MGAT4A: variants seen among roughly 807,000 people sequenced by gnomAD.
The protein encoded by MGAT4A is alpha-1,3-mannosyl-glycoprotein 4-beta-N-acetylglucosaminyltransferase A.
A neutral mutation model predicts 74.1 loss-of-function variants in MGAT4A; 33 were observed. That is an observed-to-expected ratio of 0.45 (90% confidence interval 0.34 to 0.60). MGAT4A has a LOEUF of 0.60. Among genes scored for constraint, MGAT4A ranks in the 20% least tolerant of loss-of-function variants. MGAT4A has a pLI of 0.02. For synonymous variants in MGAT4A, 198 were observed against 210.4 expected, an observed-to-expected ratio of 0.94 and a Z score of 0.51; for missense variants, 479 against 628.3, an observed-to-expected ratio of 0.76 and a Z score of 2.54.
At position 98,622,047 on chromosome 2, in the gene MGAT4A, C is replaced by T. The variant is rs540529321; in HGVS notation, c.*3519G>A. 42 of 985,440 alleles carry T rather than the reference C, an allele frequency of 4.3e-5. No homozygotes were observed. The African/African-American group carries it at 4.7e-4, about 11-fold the overall frequency. The allele number at this position is 985,440 out of a possible 1,614,324, so 61.0% of individuals were successfully genotyped here. On this transcript the variant is annotated 3_prime_UTR_variant, in exon 16 of 16. Transcript: ENST00000393487. ...TCTGACTACACAGTATGGTACAGCG[C>T]GTGATGTGGAGAATGCATGAGACTA...
In MGAT4A at chr2:98,666,725, G is replaced by C. The variant is rs563517455; in HGVS notation, c.404-3546C>G. 4.6e-5 allele frequency among the ~76,000 whole-genome samples: 7 copies of C among 152,024 alleles called. No homozygotes were observed. The East Asian group carries it at 1.4e-3, about 29-fold the overall frequency. ...AAAAAAATTACCAGCGTAACAACTAGGATGAGGAGCATTCCTAGAAAATGC... is the reference window on the plus strand; with the variant it reads ...AAAAAAATTACCAGCGTAACAACTACGATGAGGAGCATTCCTAGAAAATGC... On this transcript the variant is annotated intron_variant, in intron 4 of 15. Transcript: ENST00000393487.
intron 8 of MGAT4A, 22 bp from the exon 9 acceptor site, chr2:98,645,564 T>C (rs745556909): frequency 6.8e-7 from 1 of 1,462,872 alleles, no homozygotes; most frequent in Non-Finnish European, 9.2e-7. Context: ...TGAACAATCA[T>C]ATTAATACAT....
chr2:98,671,237 C>T (rs1195225871), intron 4 of MGAT4A, among the ~76,000 whole-genome samples: 1 of 152,190 alleles, frequency 6.6e-6, no homozygotes, highest in Admixed American at 6.5e-5. Context: ...GTCCAAGTTC[C>T]AAGTTGACCC....
chr2:98,639,824 G>T lies in MGAT4A; in HGVS notation c.1306C>A (p.Pro436Thr). The T allele has an allele frequency of 6.2e-7, 1 of 1,611,772 alleles. No homozygotes were observed. Among genetic ancestry groups the T allele is most frequent in the Non-Finnish European group, 8.5e-7 (1 of 1,178,932 alleles). Residue 436 changes from proline (P) to threonine (T), a missense_variant, in exon 12 of 16, where the codon CCA becomes ACA. This residue lies in a region of MGAT4A where 236 missense variants were observed against 308.2 expected (regional missense o/e 0.77). Coordinates refer to ENST00000393487, the MANE Select transcript of MGAT4A (RefSeq NM_012214.3). ...ATCACCAACCTTTCTACATTGACTG[G>T]TTTATCAAATTTAAACAAGATGTAG... ...GDYILFKFDKPVNVESYLFHS... is the reference protein window; with the variant it reads ...GDYILFKFDKTVNVESYLFHS...
intron 2 of MGAT4A, among the ~76,000 whole-genome samples, chr2:98,703,880 G>A (rs142941346): frequency 0.011 from 1,721 of 152,194 alleles, 16 homozygotes; most frequent in Middle Eastern, 0.031. Context: ...CAGTTCAACT[G>A]TCACCTCCTC....
intron 4 of MGAT4A, among the ~76,000 whole-genome samples, chr2:98,669,502 T>C (rs1043506354): frequency 5.3e-5 from 8 of 152,198 alleles, no homozygotes; most frequent in Admixed American, 4.6e-4. Flanking sequence ...ATGTCTTTAT[T>C]AGCAGCATGA....
At chr2:98,645,645 G>A in intron 8 of MGAT4A, 103 bp from the exon 9 acceptor site, 2 of 851,090 alleles carry the variant, frequency 2.3e-6, no homozygotes, top group Admixed American at 4.1e-5. Flanking sequence ...TCATGAAAAT[G>A]AAGAAGACAA....
At chr2:98,713,504 G>A (rs1702546906) in intron 2 of MGAT4A, among the ~76,000 whole-genome samples, 1 of 151,454 alleles carries the variant, frequency 6.6e-6, no homozygotes, top group Non-Finnish European at 1.5e-5. Context: ...GCTCACATCT[G>A]TAATCCCAGC....
At chr2:98,687,734 C>T (rs1247712572) in intron 2 of MGAT4A, among the ~76,000 whole-genome samples, 1 of 151,782 alleles carries the variant, frequency 6.6e-6, no homozygotes, top group Non-Finnish European at 1.5e-5. Flanking sequence ...CTTTATTTCT[C>T]CATGTGAATG....
intron 2 of MGAT4A, among the ~76,000 whole-genome samples, chr2:98,714,667 G>A (rs1158783888): frequency 6.6e-6 from 1 of 152,114 alleles, no homozygotes; most frequent in Non-Finnish European, 1.5e-5. Context: ...ATTGCTTCCA[G>A]GACAGGGGTA....
Position 98,658,237 on chromosome 2 carries a change from C to T in MGAT4A, c.565G>A (p.Val189Ile). 6.4e-7 allele frequency: 1 copy of T among 1,574,204 alleles called. No individual in the cohort carries two copies. Among genetic ancestry groups the T allele is most frequent in the Non-Finnish European group, 8.7e-7 (1 of 1,154,884 alleles). The change falls in exon 6 of 16, where the codon GTA (valine) becomes ATA (isoleucine). Residue 189 changes from valine (V) to isoleucine (I), a missense_variant. By Grantham distance (29) the Val-to-Ile change is conservative (BLOSUM62 3). Coordinates refer to ENST00000393487, the MANE Select transcript of MGAT4A (RefSeq NM_012214.3). Reference protein sequence around the residue: ...ETDIDYVHGVVANLEKEFSKE... With the variant: ...ETDIDYVHGVIANLEKEFSKE... The stretch of plus-strand genomic sequence containing the variant: ...ACTTACTCTTTCTCCAGGTTGGCTA[C>T]AACACCATGTACATAATCAATATCT...
rs190757820 is a variant in MGAT4A at position 98,687,074 on chromosome 2, G to A, written c.95-8603C>T. On this transcript the variant is annotated intron_variant, in intron 2 of 15. Transcript: ENST00000393487. ...AGGAGCTTGGAGTAAAAATTATCAG[G>A]TGGTTATAAACTATTTTCCTTAAGT... 9.9e-5 allele frequency among the ~76,000 whole-genome samples: 15 copies of A among 152,238 alleles called. No homozygotes were observed. In the East Asian group the frequency reaches 1.5e-3, roughly 16 times the overall value.
intron 10 of MGAT4A, among the ~76,000 whole-genome samples, chr2:98,642,216 T>A (rs923837601): frequency 6.6e-6 from 1 of 151,826 alleles, no homozygotes; most frequent in African/African-American, 2.4e-5. Context: ...GAGAGAAGAC[T>A]GGGGAGCGCA....
chr2:98,681,393 G>C (rs1173018338), intron 2 of MGAT4A, among the ~76,000 whole-genome samples: 1 of 152,128 alleles, frequency 6.6e-6, no homozygotes, highest in East Asian at 1.9e-4. Context: ...AAGATAATAT[G>C]GGGGAACTTG....
chr2:98,637,992 A>G lies in MGAT4A; in HGVS notation c.1323-1397T>C, dbSNP rs148565995. 1.4e-3 allele frequency among the ~76,000 whole-genome samples: 217 copies of G among 152,360 alleles called. 1 individual carries two copies. The highest frequency in any genetic ancestry group is 5.1e-3 in the African/African-American group (211 of 41,582). On this transcript the variant is annotated intron_variant, in intron 12 of 15. Transcript: ENST00000393487. ...TCTTGATATACTGTGTCAAAACCACAGTCTGCAAGATGCTCCCCTTGGGCA... is the reference window on the plus strand; with the variant it reads ...TCTTGATATACTGTGTCAAAACCACGGTCTGCAAGATGCTCCCCTTGGGCA...
chr2:98,692,009 CA>C (rs1280681664), intron 2 of MGAT4A, among the ~76,000 whole-genome samples: 1 of 152,144 alleles, frequency 6.6e-6, no homozygotes, highest in African/African-American at 2.4e-5. Context: ...TGTGGTTATA[CA>C]ATGTGTTTGT....
At chr2:98,680,695 G>C (rs1447014875) in intron 2 of MGAT4A, among the ~76,000 whole-genome samples, 1 of 152,168 alleles carries the variant, frequency 6.6e-6, no homozygotes, top group Non-Finnish European at 1.5e-5. Context: ...TCTATTTCTC[G>C]ATCTGGGTGT....
chr2:98,674,403 C>G (rs1294588822), intron 4 of MGAT4A, among the ~76,000 whole-genome samples: 1 of 152,218 alleles, frequency 6.6e-6, no homozygotes, highest in Non-Finnish European at 1.5e-5. Flanking sequence ...GCTGCTTGCT[C>G]AAGCCCACTT....
chr2:98,679,381 G>A (rs1315649059), intron 2 of MGAT4A, among the ~76,000 whole-genome samples: 1 of 145,838 alleles, frequency 6.9e-6, no homozygotes, highest in Non-Finnish European at 1.5e-5. Context: ...ACTCCAGCCT[G>A]GGCGACAGAG....
Sources: allele counts gnomAD v4.1 joint callset (sites outside exome capture counted in the v4.1 genomes callset), GRCh38; gene constraint gnomAD v4.1.1; regional missense constraint gnomAD v4.1.1; transcripts MANE v1.5; gene names NCBI Gene and HGNC (gene_info 2026-07-23, HGNC 2026-07-21).